The following SIL1 variants were observed in gnomAD, a reference collection of about 807,000 sequenced individuals.
SIL1 encodes the protein nucleotide exchange factor SIL1.
A neutral mutation model predicts 49.1 loss-of-function variants in SIL1; 40 were observed. That is an observed-to-expected ratio of 0.81 (90% confidence interval 0.63 to 1.06). The LOEUF (loss-of-function observed/expected upper bound fraction) is 1.06, where lower values mean the gene tolerates loss of function less well. Ranked by LOEUF, SIL1 falls within the 50% of genes least tolerant of loss-of-function variation. The pLI, the probability that SIL1 is intolerant of heterozygous loss-of-function variation, is 0.00. For missense variants in SIL1, 500 were observed against 572.6 expected (o/e 0.87, Z 1.29); for synonymous variants, 253 against 250.8 (o/e 1.01, Z -0.08).
At chr5:138,956,983 T>G (rs900148589) in intron 7 of SIL1, among the ~76,000 whole-genome samples, 2 of 152,004 alleles carry the variant, frequency 1.3e-5, no homozygotes, top group Admixed American at 6.5e-5. Context: ...GACCCCTTCA[T>G]GTACAGCCCC....
At chr5:139,003,132 G>A (rs1416687831) in intron 7 of SIL1, among the ~76,000 whole-genome samples, 1 of 152,006 alleles carries the variant, frequency 6.6e-6, no homozygotes, top group African/African-American at 2.4e-5. Flanking sequence ...AGGCAATTAG[G>A]ACTCTAGTAT....
chr5:138,980,286 C>T (rs1034157667), intron 7 of SIL1, among the ~76,000 whole-genome samples: 1 of 152,192 alleles, frequency 6.6e-6, no homozygotes, highest in African/African-American at 2.4e-5. Context: ...CAGGGTGCTT[C>T]ATCAAAGCAC....
chr5:139,103,415 G>A (rs530591727), intron 3 of SIL1, among the ~76,000 whole-genome samples: 17 of 152,354 alleles, frequency 1.1e-4, no homozygotes, highest in Non-Finnish European at 2.4e-4. Flanking sequence ...CAGTCAGTCT[G>A]TGGAGAATCA....
intron 3 of SIL1, 119 bp downstream of exon 3, chr5:139,120,916 G>T: frequency 7.9e-7 from 1 of 1,272,598 alleles, no homozygotes; most frequent in Non-Finnish European, 1.1e-6. Context: ...GACGGACCAT[G>T]CTGTTTCCCT....
At chr5:139,141,001 C>A (rs1034741696) in intron 1 of SIL1, among the ~76,000 whole-genome samples, 1 of 152,148 alleles carries the variant, frequency 6.6e-6, no homozygotes, top group Non-Finnish European at 1.5e-5. Context: ...ACAAGCAGAA[C>A]TGACACTGTC....
chr5:139,021,415 CT>C, intron 6 of SIL1, 123 bp from the exon 7 acceptor site: 1 of 1,421,682 alleles, frequency 7.0e-7, no homozygotes, highest in Non-Finnish European at 9.7e-7. Flanking sequence ...CAATAATGGC[CT>C]TTTTGACTAA....
At chr5:139,078,748 C>T (rs1770005916) in intron 3 of SIL1, among the ~76,000 whole-genome samples, 1 of 152,254 alleles carries the variant, frequency 6.6e-6, no homozygotes, top group Non-Finnish European at 1.5e-5. Flanking sequence ...GCACTTTTCA[C>T]TTGATGACTT....
chr5:139,154,715 T>A (rs936471653), intron 1 of SIL1, among the ~76,000 whole-genome samples: 2 of 152,168 alleles, frequency 1.3e-5, no homozygotes, highest in African/African-American at 2.4e-5. Context: ...AGACCTTTAC[T>A]CCAGCTAAGG....
intron 1 of SIL1, among the ~76,000 whole-genome samples, chr5:139,129,674 AAAT>A (rs1230501961): frequency 6.6e-6 from 1 of 152,232 alleles, no homozygotes; most frequent in Non-Finnish European, 1.5e-5. Flanking sequence ...TCCGTCTCAA[AAAT>A]AATAATAAGA....
chr5:139,079,553 G>A (rs1000094920), intron 3 of SIL1, among the ~76,000 whole-genome samples: 2 of 152,226 alleles, frequency 1.3e-5, no homozygotes, highest in African/African-American at 2.4e-5. Flanking sequence ...TACAGAATGT[G>A]CTGCCCTCCC....
At chr5:139,182,120 C>A (rs1471407369) in intron 1 of SIL1, among the ~76,000 whole-genome samples, 1 of 152,100 alleles carries the variant, frequency 6.6e-6, no homozygotes, top group South Asian at 2.1e-4. Context: ...ACATGTGTGG[C>A]CAGGGCAGTA....
intron 1 of SIL1, among the ~76,000 whole-genome samples, chr5:139,169,439 G>GGT (rs141578492): frequency 1.1e-4 from 16 of 150,584 alleles, no homozygotes; most frequent in South Asian, 4.2e-4. Context: ...AGAAAAGTAT[G>GGT]GTGTGTGTGT....
At chr5:139,033,957 T>C (rs535771382) in intron 5 of SIL1, among the ~76,000 whole-genome samples, 55 of 152,322 alleles carry the variant, frequency 3.6e-4, no homozygotes, top group Middle Eastern at 3.4e-3. Context: ...TCTGTTTCTT[T>C]CTTTTAGTTC....
chr5:139,051,676 T>C (rs1040876873), intron 3 of SIL1, among the ~76,000 whole-genome samples: 1 of 152,170 alleles, frequency 6.6e-6, no homozygotes. Flanking sequence ...AGGAAGAGAC[T>C]GGAAGGCAAG....
chr5:139,033,556 A>G (rs1768839640), intron 5 of SIL1, among the ~76,000 whole-genome samples: 1 of 151,350 alleles, frequency 6.6e-6, no homozygotes, highest in Non-Finnish European at 1.5e-5. Flanking sequence ...GTGCATTTTC[A>G]TTTTTAATCA....
intron 7 of SIL1, among the ~76,000 whole-genome samples, chr5:139,018,871 T>C (rs989130561): frequency 2.6e-5 from 4 of 152,128 alleles, no homozygotes; most frequent in Non-Finnish European, 5.9e-5. Flanking sequence ...CACCTATTAT[T>C]GTTCCCTGTT....
intron 1 of SIL1, among the ~76,000 whole-genome samples, chr5:139,192,492 C>T (rs1009071309): frequency 6.6e-6 from 1 of 152,148 alleles, no homozygotes; most frequent in Non-Finnish European, 1.5e-5. Flanking sequence ...CAGAAACATA[C>T]CCTTCCCCAT....
intron 3 of SIL1, among the ~76,000 whole-genome samples, chr5:139,065,862 T>C (rs1363586356): frequency 2.6e-5 from 4 of 152,234 alleles, no homozygotes; most frequent in South Asian, 2.1e-4. Context: ...CTCCTATTCA[T>C]AGGCAGATTC....
intron 1 of SIL1, among the ~76,000 whole-genome samples, chr5:139,153,061 G>GC (rs1468058623): frequency 7.9e-5 from 12 of 152,014 alleles, no homozygotes; most frequent in East Asian, 1.9e-4. Context: ...TAGGTGATCC[G>GC]CCCCCCTTGG....
Sources: allele counts gnomAD v4.1 joint callset (sites outside exome capture counted in the v4.1 genomes callset), GRCh38; gene constraint gnomAD v4.1.1; transcripts MANE v1.5; gene names NCBI Gene and HGNC (gene_info 2026-07-23, HGNC 2026-07-21).